The following RFX3 variants were observed in gnomAD, a reference collection of about 807,000 sequenced individuals.
RFX3 encodes the protein transcription factor RFX3.
Under a neutral mutation model 98.6 loss-of-function variants are expected in RFX3, and 14 were observed. That is an observed-to-expected ratio of 0.14 (90% CI 0.09 to 0.22). RFX3 has a LOEUF of 0.22. Among genes scored for constraint, RFX3 ranks in the 10% least tolerant of loss-of-function variants. The pLI is 1.00. For missense variants in RFX3, 639 were observed against 926.9 expected (o/e 0.69, Z 4.03); for synonymous variants, 383 against 328.4 (o/e 1.17, Z -1.80).
intron 1 of RFX3, among the ~76,000 whole-genome samples, chr9:3,442,293 G>C (rs541652991): frequency 6.6e-6 from 1 of 151,902 alleles, no homozygotes; most frequent in Non-Finnish European, 1.5e-5. Flanking sequence ...AATGATAAGC[G>C]TATATTGATA....
In RFX3 at chr9:3,395,433, A is replaced by G. The variant is rs751338027; in HGVS notation, c.117+39T>C. 6.2e-6 allele frequency: 10 copies of G among 1,603,200 alleles called. No individual in the cohort carries two copies. In the African/African-American group the frequency reaches 1.3e-4, roughly 21 times the overall value. ...GGTATGTTGGACAGCCAACATAATG[A>G]AAGTAACAGCATCTTTTCTAAGAGC... On this transcript the variant is annotated intron_variant, in intron 2 of 16. Coordinates refer to ENST00000617270, the MANE Select transcript of RFX3 (RefSeq NM_001282116.2).
intron 1 of RFX3, among the ~76,000 whole-genome samples, chr9:3,435,502 G>T (rs892140001): frequency 5.9e-5 from 9 of 151,914 alleles, no homozygotes; most frequent in South Asian, 2.1e-4. Flanking sequence ...TAATATTTCA[G>T]CTCTATTATA....
chr9:3,298,569 C>T (rs1828280838), intron 5 of RFX3, among the ~76,000 whole-genome samples: 1 of 151,896 alleles, frequency 6.6e-6, no homozygotes, highest in African/African-American at 2.4e-5. Context: ...ATACAAAAAT[C>T]CTTACTTTCT....
At chr9:3,421,627 A>G (rs7856174) in intron 1 of RFX3, among the ~76,000 whole-genome samples, 149 of 152,320 alleles carry the variant, frequency 9.8e-4, no homozygotes, top group Middle Eastern at 3.4e-3. Context: ...TGGTTATCCC[A>G]TTAACCTGAT....
intron 1 of RFX3, among the ~76,000 whole-genome samples, chr9:3,481,846 ACT>A (rs1296558189): frequency 6.6e-6 from 1 of 151,032 alleles, no homozygotes; most frequent in African/African-American, 2.4e-5. Context: ...GATTTATTCA[ACT>A]ATTCGATTGC....
chr9:3,470,771 T>C (rs1223469291), intron 1 of RFX3, among the ~76,000 whole-genome samples: 1 of 152,238 alleles, frequency 6.6e-6, no homozygotes, highest in Non-Finnish European at 1.5e-5. Context: ...GATGTTATCA[T>C]CTATGCATAT....
At chr9:3,303,904 C>T (rs1245919414) in intron 4 of RFX3, among the ~76,000 whole-genome samples, 1 of 152,002 alleles carries the variant, frequency 6.6e-6, no homozygotes, top group Non-Finnish European at 1.5e-5. Flanking sequence ...CTTTGTAACA[C>T]AGATAACAAA....
chr9:3,525,406 C>T (rs562299719), intron 1 of RFX3, among the ~76,000 whole-genome samples: 1 of 152,312 alleles, frequency 6.6e-6, no homozygotes, highest in South Asian at 2.1e-4. Context: ...AGGGAAAGAT[C>T]CAGCATCCGC....
chr9:3,256,518 G>A lies in RFX3; in HGVS notation c.1814+473C>T, dbSNP rs532574998. ...AGGTTCTGATACAGGTAGATTTGGA[G>A]GAGGTGCTAAGAATTTGCATTTCTA... On this transcript the variant is annotated intron_variant, in intron 14 of 16. Transcript: ENST00000617270. Among the ~76,000 whole-genome samples, 4 of 152,144 alleles carry A rather than the reference G, an allele frequency of 2.6e-5. No homozygotes were observed. The South Asian group carries it at 6.2e-4, about 24-fold the overall frequency.
chr9:3,238,194 A>T (rs1327913410), intron 15 of RFX3, among the ~76,000 whole-genome samples: 1 of 152,202 alleles, frequency 6.6e-6, no homozygotes, highest in African/African-American at 2.4e-5. Context: ...TAAGGTCATA[A>T]GATGGTGATT....
chr9:3,353,998 G>C (rs1835454394), intron 2 of RFX3, among the ~76,000 whole-genome samples: 2 of 152,034 alleles, frequency 1.3e-5, no homozygotes, highest in African/African-American at 4.8e-5. Context: ...AGTACTATTT[G>C]TAGAGTAGGA....
Position 3,301,554 on chromosome 9 carries a change from T to G in RFX3, c.541A>C (p.Asn181His). 1 of 1,599,630 alleles carries G rather than the reference T, an allele frequency of 6.3e-7. No homozygotes were observed. The highest frequency in any genetic ancestry group is 8.5e-7 in the Non-Finnish European group (1 of 1,169,718). The change falls in exon 5 of 17, where the codon AAC (asparagine) becomes CAC (histidine). Residue 181 changes from asparagine to histidine, a missense_variant. By Grantham distance (68) the Asn-to-His change is moderately conservative. Around this residue, in one of 9 missense-constraint regions of RFX3, gnomAD observed 16 missense variants for 30.0 expected, o/e 0.53. Coordinates refer to ENST00000617270, the MANE Select transcript of RFX3 (RefSeq NM_001282116.2). ...GLSTHRSSLLNSHLQWLLDNY... is the reference protein window; with the variant it reads ...GLSTHRSSLLHSHLQWLLDNY... The stretch of plus-strand genomic sequence containing the variant: ...AAGAAGAGGCAACTTACATGGCTGT[T>G]GAGAAGAGAGCTTCTGTGAGTGGAC...
intron 13 of RFX3, among the ~76,000 whole-genome samples, chr9:3,258,160 A>C (rs1380928478): frequency 6.6e-6 from 1 of 152,134 alleles, no homozygotes; most frequent in Admixed American, 6.5e-5. Context: ...CAGTTTCCCT[A>C]AGCATAAAAT....
At chr9:3,339,528 T>C (rs1013858317) in intron 3 of RFX3, among the ~76,000 whole-genome samples, 1 of 152,174 alleles carries the variant, frequency 6.6e-6, no homozygotes, top group Non-Finnish European at 1.5e-5. Flanking sequence ...TTTCCCTGTG[T>C]ACTTAAAGCC....
intron 13 of RFX3, among the ~76,000 whole-genome samples, chr9:3,260,753 G>A (rs919043195): frequency 1.3e-5 from 2 of 151,288 alleles, no homozygotes; most frequent in African/African-American, 4.8e-5. Context: ...GTAAAGCTGA[G>A]AAACTTTGTT....
chr9:3,298,699 A>G (rs1828297472), intron 5 of RFX3, among the ~76,000 whole-genome samples: 1 of 151,790 alleles, frequency 6.6e-6, no homozygotes, highest in Admixed American at 6.6e-5. Context: ...AAAATTCAAT[A>G]CCTCACCCCA....
rs1439476049 is a variant in RFX3 at position 3,241,416 on chromosome 9, A to AGCCAGCAG, written c.1968+6615_1968+6616insCTGCTGGC. Among the ~76,000 whole-genome samples, 65 of 152,202 alleles carry AGCCAGCAG rather than the reference A, an allele frequency of 4.3e-4. 3 individuals carry two copies. In the East Asian group the frequency reaches 0.012, roughly 29 times the overall value. ...CATTCCCTGAAGAGGATGAGAGGAGAGGTTATAGCCCAGAGCCAGCAGGGA... is the reference window on the plus strand; with the variant it reads ...CATTCCCTGAAGAGGATGAGAGGAGAGCCAGCAGGGTTATAGCCCAGAGCCAGCAGGGA... On this transcript the variant is annotated intron_variant, in intron 15 of 16. Transcript: ENST00000617270.
At chr9:3,485,031 G>C (rs1223097323) in intron 1 of RFX3, among the ~76,000 whole-genome samples, 1 of 152,036 alleles carries the variant, frequency 6.6e-6, no homozygotes, top group African/African-American at 2.4e-5. Flanking sequence ...AAGACTGCTG[G>C]AGCCAGGGAG....
At chr9:3,378,669 G>A (rs951121341) in intron 2 of RFX3, among the ~76,000 whole-genome samples, 3 of 148,466 alleles carry the variant, frequency 2.0e-5, no homozygotes, top group Admixed American at 1.4e-4. Flanking sequence ...CGATTCTCCT[G>A]CTTCACCTTC....
Sources: gnomAD v4.1 joint callset for allele counts (sites outside exome capture counted in the v4.1 genomes callset) on GRCh38, gnomAD v4.1.1 for gene constraint, gnomAD v4.1.1 regional missense constraint, MANE v1.5 for transcripts, NCBI Gene and HGNC (gene_info 2026-07-23, HGNC 2026-07-21) for gene names.